The following CLEC4E variants were observed in gnomAD, a reference collection of about 807,000 sequenced individuals.
The protein encoded by CLEC4E is C-type (calcium dependent, carbohydrate-recognition domain) lectin, superfamily member 9.
A neutral mutation model predicts 24.7 loss-of-function variants in CLEC4E; 21 were observed. The ratio of observed to expected loss-of-function variants is 0.85; its 90% CI spans 0.60 to 1.22. The LOEUF is 1.22. CLEC4E is among the 50% of genes most tolerant of loss of function. The pLI is 0.00. For synonymous variants in CLEC4E, 94 were observed against 85.7 expected (o/e 1.10, Z -0.54); for missense variants, 249 against 254.1 (o/e 0.98, Z 0.14).
chr12:8,538,152 C>T (rs1233172412), intron 3 of CLEC4E, among the ~76,000 whole-genome samples: 2 of 152,216 alleles, frequency 1.3e-5, no homozygotes, highest in Non-Finnish European at 2.9e-5. Context: ...TTAGAGAAGA[C>T]TCTGCTCCTC....
At chr12:8,539,454 T>G in intron 2 of CLEC4E, 148 bp from the exon 3 acceptor site, 1 of 630,098 alleles carries the variant, frequency 1.6e-6, no homozygotes, top group Admixed American at 2.9e-5. Flanking sequence ...AAAATAGATA[T>G]GTTTGCACTA....
In CLEC4E at chr12:8,540,667, A is replaced by G. The variant is rs75520648; in HGVS notation, c.37+94T>C. On this transcript the variant is annotated intron_variant, in intron 1 of 5. Coordinates refer to ENST00000299663, the MANE Select transcript of CLEC4E (RefSeq NM_014358.4). ...TCCCCCCACTTTTTTTTTTAACTTC[A>G]GTGAATACTTTTCTATTGTCCTGTC... 4,679 of 1,116,596 alleles carry G rather than the reference A, an allele frequency of 4.2e-3. 153 individuals are homozygous for G. The East Asian group carries it at 0.071, about 17-fold the overall frequency. The allele number at this position is 1,116,596 out of a possible 1,614,324, so 69.2% of individuals were successfully genotyped here.
chr12:8,533,634 C>A lies in CLEC4E; in HGVS notation c.*1004G>T, dbSNP rs1174692427. ...GCATGTCCTCACTTATAAGTGGGAG[C>A]TAAATGATGAGAATTCATAAACACA... On this transcript the variant is annotated 3_prime_UTR_variant, in exon 6 of 6. Coordinates refer to ENST00000299663, the MANE Select transcript of CLEC4E (RefSeq NM_014358.4). 2 of 151,974 alleles carry A rather than the reference C, an allele frequency of 1.3e-5. No homozygotes were observed. The highest frequency in any genetic ancestry group is 4.8e-5 in the African/African-American group (2 of 41,356). 9.4% of individuals were successfully genotyped at this position (151,974 alleles called of 1,614,324 possible). A position where few individuals can be genotyped will look rare whatever the true frequency, so the allele number is the denominator to read the frequency against.
At chr12:8,536,944 G>A (rs1484557094) in intron 4 of CLEC4E, among the ~76,000 whole-genome samples, 171 bp downstream of exon 4, 2 of 152,138 alleles carry the variant, frequency 1.3e-5, no homozygotes, top group African/African-American at 2.4e-5. Context: ...GTTCTTCTAG[G>A]AAGGAAAATA....
chr12:8,539,200 CT>C lies in CLEC4E; in HGVS notation c.220+16del. ...TTGCTTTGTAAATTTTGATGTTCAC[CT>C]TTGGGACTATTATACCTGATCCATA... On this transcript the variant is annotated intron_variant, in intron 3 of 5. Transcript: ENST00000299663. 6.4e-7 allele frequency: 1 copy of C among 1,554,508 alleles called. No homozygotes were observed. The highest frequency in any genetic ancestry group is 8.9e-7 in the Non-Finnish European group (1 of 1,128,080).
At chr12:8,537,364 C>G (rs1342814238) in intron 3 of CLEC4E, 98 bp from the exon 4 acceptor site, 1 of 1,104,674 alleles carries the variant, frequency 9.1e-7, no homozygotes, top group Non-Finnish European at 1.3e-6. Context: ...AAGTCAGAAG[C>G]CTTGGAATCA....
At chr12:8,535,687 T>TA (rs1452442634) in intron 5 of CLEC4E, among the ~76,000 whole-genome samples, 2 of 152,108 alleles carry the variant, frequency 1.3e-5, no homozygotes, top group Admixed American at 6.5e-5. Flanking sequence ...ATATCCACAA[T>TA]AAAAAATGCT....
chr12:8,540,671 A>C, intron 1 of CLEC4E, 90 bp downstream of exon 1: 1 of 1,161,052 alleles, frequency 8.6e-7, no homozygotes, highest in Non-Finnish European at 1.3e-6. Flanking sequence ...AACTTCAGTG[A>C]ATACTTTTCT....
Position 8,539,277 on chromosome 12 carries a change from C to G in CLEC4E, c.160G>C (p.Glu54Gln), listed in dbSNP as rs1349050383. The change falls in exon 3 of 6, where the codon GAG becomes CAG. Residue 54 changes from glutamate to glutamine, a missense_variant. Glu to Gln is a conservative substitution (Grantham distance 29). Transcript: ENST00000299663. Reference protein sequence around the residue: ...VTFRIFQTCDEKKFQLPENFT... With the variant: ...VTFRIFQTCDQKKFQLPENFT... Reference sequence around the variant, plus strand: ...TTCTCAGGTAGCTGAAACTTTTTCTCATCACAGGTTTGAAAGATGCGAAAT... The same window carrying G: ...TTCTCAGGTAGCTGAAACTTTTTCTGATCACAGGTTTGAAAGATGCGAAAT... 1 of 1,612,726 alleles carries G rather than the reference C, an allele frequency of 6.2e-7. No individual in the cohort carries two copies. Among genetic ancestry groups the G allele is most frequent in the Non-Finnish European group, 8.5e-7 (1 of 1,179,234 alleles).
Position 8,536,174 on chromosome 12 carries a change from C to T in CLEC4E, c.404G>A (p.Arg135Lys). ...EFLSYKKPKM[R>K]EFFIGLSDQV... ...GTCTGACAGTCCAATAAAAAACTCT[C>T]TCATTTTAGGTTTCTTGTAGGAAAG... Residue 135 changes from arginine (R) to lysine (K), a missense_variant, in exon 5 of 6, where the codon AGA becomes AAA. Coordinates refer to ENST00000299663, the MANE Select transcript of CLEC4E (RefSeq NM_014358.4). 1 of 1,612,298 alleles carries T rather than the reference C, an allele frequency of 6.2e-7. No individual in the cohort carries two copies. Among genetic ancestry groups the T allele is most frequent in the Non-Finnish European group, 8.5e-7 (1 of 1,178,610 alleles).
Position 8,540,898 on chromosome 12 carries a change from G to T in CLEC4E, c.-101C>A, listed in dbSNP as rs569761233. The T allele has an allele frequency of 1.3e-3, 1,083 of 805,960 alleles. 3 individuals carry two copies. The highest frequency in any genetic ancestry group is 1.9e-3 in the Non-Finnish European group (887 of 459,460). The allele number at this position is 805,960 out of a possible 1,614,324, so 49.9% of individuals were successfully genotyped here. A position where few individuals can be genotyped will look rare whatever the true frequency, so the allele number is the denominator to read the frequency against. The stretch of plus-strand genomic sequence containing the variant: ...GTGTTTTGTTGGTAAGATTCAGGGA[G>T]AATGAATCTTGAAAGATAAACACTT... On this transcript the variant is annotated 5_prime_UTR_variant, in exon 1 of 6. Coordinates refer to ENST00000299663, the MANE Select transcript of CLEC4E (RefSeq NM_014358.4).
intron 5 of CLEC4E, among the ~76,000 whole-genome samples, chr12:8,535,292 G>A (rs1391430233): frequency 2.7e-5 from 4 of 146,996 alleles, no homozygotes; most frequent in African/African-American, 1.1e-4. Context: ...CTGCTCATTA[G>A]CTAAGTCACT....
chr12:8,535,970 A>T, intron 5 of CLEC4E, 120 bp downstream of exon 5: 1 of 557,084 alleles, frequency 1.8e-6, no homozygotes, highest in Non-Finnish European at 3.3e-6. Context: ...CTTCTCCTTC[A>T]TCTTTTCTAC....
chr12:8,538,969 G>T, intron 3 of CLEC4E: 1 of 447,738 alleles, frequency 2.2e-6, no homozygotes, highest in Non-Finnish European at 3.9e-6. Context: ...ACACTCCTGG[G>T]AATAATACCT....
chr12:8,540,145 A>G (rs1322178690), intron 1 of CLEC4E, among the ~76,000 whole-genome samples, 198 bp from the exon 2 acceptor site: 1 of 152,202 alleles, frequency 6.6e-6, no homozygotes, highest in African/African-American at 2.4e-5. Flanking sequence ...CCCCAGAGTT[A>G]GCAACTCAGT....
intron 2 of CLEC4E, 82 bp downstream of exon 2, chr12:8,539,771 AAG>A: frequency 1.2e-6 from 1 of 855,672 alleles, no homozygotes; most frequent in Non-Finnish European, 2.0e-6. Flanking sequence ...TTTGAGGGCA[AAG>A]AGAGTCTACA....
intron 3 of CLEC4E, among the ~76,000 whole-genome samples, chr12:8,538,445 G>A (rs766450402): frequency 1.2e-4 from 18 of 152,276 alleles, no homozygotes; most frequent in African/African-American, 3.6e-4. Flanking sequence ...CAGTGGACAC[G>A]TGACCCACAT....
At chr12:8,535,470 G>C (rs767286088) in intron 5 of CLEC4E, among the ~76,000 whole-genome samples, 1 of 152,192 alleles carries the variant, frequency 6.6e-6, no homozygotes, top group South Asian at 2.1e-4. Context: ...CTTAATACCC[G>C]GGTCATGTTA....
chr12:8,536,173 T>C lies in CLEC4E; in HGVS notation c.405A>G (p.Arg135=). 1.2e-6 allele frequency: 2 copies of C among 1,612,504 alleles called. No homozygotes were observed. The highest frequency in any genetic ancestry group is 1.7e-6 in the Non-Finnish European group (2 of 1,178,730). The change falls in exon 5 of 6, where the codon AGA becomes AGG. Residue 135 remains arginine, a synonymous_variant. Transcript: ENST00000299663. Reference sequence around the variant, plus strand: ...GGTCTGACAGTCCAATAAAAAACTCTCTCATTTTAGGTTTCTTGTAGGAAA... The same window carrying C: ...GGTCTGACAGTCCAATAAAAAACTCCCTCATTTTAGGTTTCTTGTAGGAAA... ...EFLSYKKPKM[R]EFFIGLSDQV...
Sources: gnomAD v4.1 joint callset for allele counts (sites outside exome capture counted in the v4.1 genomes callset) on GRCh38, gnomAD v4.1.1 for gene constraint, MANE v1.5 for transcripts, NCBI Gene and HGNC (gene_info 2026-07-23, HGNC 2026-07-21) for gene names.